Variants in ALKBH1 observed in about 807,000 individuals in gnomAD.
ALKBH1 encodes the protein nucleic acid dioxygenase ALKBH1.
ALKBH1 carries 31 observed loss-of-function variants against 36.6 expected under a neutral mutation model. The observed-to-expected ratio is 0.85, with a 90% CI of 0.64 to 1.14. The LOEUF is 1.14. Among genes scored for constraint, ALKBH1 ranks in the 50% most tolerant of loss-of-function variants. The probability of loss-of-function intolerance (pLI) is 0.00; values close to 1 mark genes in which losing one functional copy is unlikely to be tolerated. For synonymous variants in ALKBH1, 183 were observed against 186.6 expected (o/e 0.98, Z 0.16); for missense variants, 490 against 497.3 (o/e 0.99, Z 0.14).
chr14:77,675,998 CTTTTTTTTTTT>C, intron 4 of ALKBH1, 149 bp from the exon 5 acceptor site: 1 of 564,480 alleles, frequency 1.8e-6, no homozygotes, highest in Non-Finnish European at 2.9e-6. Context: ...CTTTTCTTTT[CTTTTTTTTTTT>C]TTTTAAAGAC....
At chr14:77,687,203 A>T (rs2080272665) in intron 3 of ALKBH1, among the ~76,000 whole-genome samples, 1 of 152,114 alleles carries the variant, frequency 6.6e-6, no homozygotes, top group Non-Finnish European at 1.5e-5. Flanking sequence ...CCCCCACACC[A>T]CTAAACTTCT....
intron 3 of ALKBH1, chr14:77,683,848 A>G: frequency 6.1e-6 from 1 of 164,564 alleles, no homozygotes; most frequent in Non-Finnish European, 1.3e-5. Flanking sequence ...CTGGGATTAC[A>G]GGCATGTGCC....
At chr14:77,702,041 G>GT (rs2080362170) in intron 2 of ALKBH1, among the ~76,000 whole-genome samples, 1 of 152,218 alleles carries the variant, frequency 6.6e-6, no homozygotes, top group Non-Finnish European at 1.5e-5. Flanking sequence ...GCTCACGCCT[G>GT]TAATCCCAGC....
intron 4 of ALKBH1, among the ~76,000 whole-genome samples, chr14:77,679,070 G>T (rs186495187): frequency 1.1e-4 from 17 of 152,188 alleles, no homozygotes; most frequent in Admixed American, 5.9e-4. Flanking sequence ...TCCCACCTCA[G>T]CCACCCAAAG....
chr14:77,680,896 G>C (rs944516394), intron 3 of ALKBH1, among the ~76,000 whole-genome samples: 1 of 151,784 alleles, frequency 6.6e-6, no homozygotes, highest in Non-Finnish European at 1.5e-5. Context: ...GGCTGGTCTC[G>C]AACTCCTGAC....
At chr14:77,689,880 A>G (rs998237186) in intron 3 of ALKBH1, among the ~76,000 whole-genome samples, 3 of 152,196 alleles carry the variant, frequency 2.0e-5, no homozygotes, top group Non-Finnish European at 4.4e-5. Flanking sequence ...TTAGAAAACA[A>G]AAAATAGACA....
chr14:77,693,146 C>T (rs910595272), intron 3 of ALKBH1, among the ~76,000 whole-genome samples: 5 of 148,722 alleles, frequency 3.4e-5, no homozygotes, highest in Non-Finnish European at 7.4e-5. Context: ...GTGGAGGTTG[C>T]AGTGGGCCAA....
chr14:77,677,037 A>G (rs2080210057), intron 4 of ALKBH1, among the ~76,000 whole-genome samples: 2 of 151,558 alleles, frequency 1.3e-5, no homozygotes, highest in Non-Finnish European at 2.9e-5. Context: ...ATCAAAGGCC[A>G]TAATACTCTT....
At position 77,674,179 on chromosome 14, in the gene ALKBH1, A is replaced by G; in HGVS notation, c.803T>C (p.Met268Thr). The G allele has an allele frequency of 1.2e-6, 2 of 1,614,082 alleles. No homozygotes were observed. Among genetic ancestry groups the G allele is most frequent in the Non-Finnish European group, 8.5e-7 (1 of 1,179,954 alleles). ...CATGATGTCACCACTGTGCATAAACATGGCCGTGGGGGCCTCATCCCTTTG... is the reference window on the plus strand; with the variant it reads ...CATGATGTCACCACTGTGCATAAACGTGGCCGTGGGGGCCTCATCCCTTTG... ...GLQRDEAPTA[M>T]FMHSGDIMIM... The change falls in exon 6 of 6, where the codon ATG becomes ACG. Residue 268 changes from methionine (M) to threonine (T), a missense_variant. By Grantham distance (81) the Met-to-Thr change is moderately conservative. Transcript: ENST00000216489.
In ALKBH1 at chr14:77,694,872, G is replaced by C. The variant is rs2080318581; in HGVS notation, c.321C>G (p.Leu107=). 3.8e-6 allele frequency: 6 copies of C among 1,571,300 alleles called. No individual in the cohort carries two copies. The highest frequency in any genetic ancestry group is 1.7e-4 in the Middle Eastern group (1 of 5,922). Residue 107 remains leucine (L), a synonymous_variant, in exon 3 of 6, where the codon CTC becomes CTG. Transcript: ENST00000216489. ...PGFIFIPNPF[L]PGYQWHWVKQ... ...TCACCCAGTGCCACTGGTAACCTGG[G>C]AGGAAGGGGTTTGGGATAAAAATAA...
In ALKBH1 at chr14:77,704,432, CAT is replaced by C; in HGVS notation, c.227_228del (p.Asn76SerfsTer3). On this transcript the variant is annotated frameshift_variant, in exon 2 of 6. Transcript: ENST00000216489. LOFTEE classifies it high-confidence loss of function. The stretch of plus-strand genomic sequence containing the variant: ...ACGGGCTGAAGACCTGCTCTATATG[CAT>C]TCTGCTCACTGACAGAAGACACATT... ...QLNVSSVSEQ[N>X]AYRAGLQPVS... 6.2e-7 allele frequency: 1 copy of C among 1,614,142 alleles called. No individual in the cohort carries two copies. The highest frequency in any genetic ancestry group is 8.5e-7 in the Non-Finnish European group (1 of 1,180,018).
intron 4 of ALKBH1, among the ~76,000 whole-genome samples, chr14:77,677,679 GC>G (rs1203652000): frequency 6.6e-6 from 1 of 152,162 alleles, no homozygotes; most frequent in East Asian, 1.9e-4. Context: ...TTGATGAATG[GC>G]CTGGTCTCTT....
chr14:77,694,957 C>A, intron 2 of ALKBH1, 57 bp from the exon 3 acceptor site: 2 of 1,373,898 alleles, frequency 1.5e-6, no homozygotes, highest in South Asian at 1.8e-5. Flanking sequence ...ATCAGTTATT[C>A]AAATAATTTT....
At chr14:77,697,698 A>T (rs374781405) in intron 2 of ALKBH1, among the ~76,000 whole-genome samples, 2,901 of 44,410 alleles carry the variant, frequency 0.065, 32 homozygotes, top group Middle Eastern at 0.15. Context: ...TTGCTGTAAT[A>T]AAAAAAAAAA....
intron 3 of ALKBH1, 46 bp downstream of exon 3, chr14:77,694,692 G>A (rs1183684690): frequency 2.1e-6 from 3 of 1,441,918 alleles, no homozygotes; most frequent in Non-Finnish European, 2.8e-6. Context: ...GACCTGTGAT[G>A]ATCTGAGCTG....
At chr14:77,681,517 G>A (rs2080238221) in intron 3 of ALKBH1, among the ~76,000 whole-genome samples, 1 of 152,208 alleles carries the variant, frequency 6.6e-6, no homozygotes. Context: ...TCCTCACAGA[G>A]TTTACATTCT....
chr14:77,677,837 TCAAA>T (rs1026667483), intron 4 of ALKBH1, among the ~76,000 whole-genome samples: 1 of 152,144 alleles, frequency 6.6e-6, no homozygotes, highest in Non-Finnish European at 1.5e-5. Context: ...CCTCAGATAA[TCAAA>T]CAGTCAAGGC....
intron 4 of ALKBH1, among the ~76,000 whole-genome samples, chr14:77,676,732 C>A (rs1220697190): frequency 6.6e-6 from 1 of 152,166 alleles, no homozygotes; most frequent in East Asian, 1.9e-4. Context: ...ATCTTCTCAA[C>A]TTTTCTGCAA....
chr14:77,674,606 G>A (rs2080195123), intron 5 of ALKBH1, among the ~76,000 whole-genome samples: 1 of 152,112 alleles, frequency 6.6e-6, no homozygotes, highest in Non-Finnish European at 1.5e-5. Context: ...TGGCTGGAGT[G>A]CAGCGGCGCG....
Sources: allele counts gnomAD v4.1 joint callset (sites outside exome capture counted in the v4.1 genomes callset), GRCh38; gene constraint gnomAD v4.1.1; transcripts MANE v1.5; gene names NCBI Gene and HGNC (gene_info 2026-07-23, HGNC 2026-07-21).